Variants in EIF3L observed in about 807,000 individuals in gnomAD.
The protein encoded by EIF3L is eIEF associated protein HSPC021.
In EIF3L, 32 loss-of-function variants were observed where a neutral mutation model predicts 74.6. That is an observed-to-expected ratio of 0.43 (90% confidence interval 0.32 to 0.58). EIF3L has a LOEUF of 0.58. EIF3L is among the 20% of genes least tolerant of loss of function. EIF3L has a pLI of 0.06. For missense variants in EIF3L, 474 were observed against 707.8 expected (o/e 0.67, Z 3.75); for synonymous variants, 256 against 254.4 (o/e 1.01, Z -0.06).
At chr22:37,886,118 C>G (rs147469143) in intron 11 of EIF3L, 1 of 146,302 alleles carries the variant, frequency 6.8e-6, no homozygotes, top group Non-Finnish European at 1.5e-5. Context: ...GGTGTGAACT[C>G]GGGAGGTGGA....
At chr22:37,870,811 T>C (rs1410874166) in intron 8 of EIF3L, among the ~76,000 whole-genome samples, 2 of 152,154 alleles carry the variant, frequency 1.3e-5, no homozygotes, top group African/African-American at 2.4e-5. Context: ...TTGCAATGTG[T>C]TCTTTTGTTT....
At chr22:37,858,473 C>G in intron 4 of EIF3L, 2 of 611,728 alleles carry the variant, frequency 3.3e-6, no homozygotes, top group Non-Finnish European at 5.7e-6. Flanking sequence ...TGAATGAGAT[C>G]TTAATCTCAT....
intron 3 of EIF3L, among the ~76,000 whole-genome samples, chr22:37,852,921 C>T (rs936749311): frequency 6.6e-6 from 1 of 152,210 alleles, no homozygotes; most frequent in Middle Eastern, 3.4e-3. Context: ...GGTGCAGCAT[C>T]GAGGTCTTTC....
At chr22:37,879,629 G>A (rs756755796) in intron 11 of EIF3L, 1 of 152,340 alleles carries the variant, frequency 6.6e-6, no homozygotes, top group African/African-American at 2.4e-5. Context: ...AGTAGCCTGA[G>A]AAAGGAGGCT....
Position 37,858,718 on chromosome 22 carries a change from G to A in EIF3L, c.413G>A (p.Arg138Lys), listed in dbSNP as rs1314162303. Residue 138 changes from arginine to lysine, a missense_variant, in exon 5 of 13, where the codon AGG (arginine) becomes AAG (lysine). This residue lies in a region of EIF3L where 141 missense variants were observed against 197.7 expected (regional missense o/e 0.71). Transcript: ENST00000652021. ...ATTTTATACAAAGAATTATACTACA[G>A]GCACATATATGCCAAAGTCAGTGTA... ...FLILYKELYYRHIYAKVSGGP... is the reference protein window; with the variant it reads ...FLILYKELYYKHIYAKVSGGP... 3 of 1,607,806 alleles carry A rather than the reference G, an allele frequency of 1.9e-6. No individual in the cohort carries two copies. Among genetic ancestry groups the A allele is most frequent in the Non-Finnish European group, 2.5e-6 (3 of 1,178,376 alleles).
chr22:37,888,451 G>C lies in EIF3L; in HGVS notation c.1682G>C (p.Gly561Ala). ...CTTAATCGAACCCTGAAGAAGATGGGACAGAGACCTTGATGATATTCACAC... is the reference window on the plus strand; with the variant it reads ...CTTAATCGAACCCTGAAGAAGATGGCACAGAGACCTTGATGATATTCACAC... ...EELNRTLKKM[G>A]QRP Residue 561 changes from glycine to alanine, a missense_variant, in exon 13 of 13, where the codon GGA becomes GCA. Gly to Ala is a moderately conservative substitution (Grantham distance 60). Coordinates refer to ENST00000652021, the MANE Select transcript of EIF3L (RefSeq NM_016091.4). The C allele has an allele frequency of 6.2e-7, 1 of 1,613,920 alleles. No homozygotes were observed. The highest frequency in any genetic ancestry group is 8.5e-7 in the Non-Finnish European group (1 of 1,180,010).
At chr22:37,857,202 A>C (rs2145803253) in intron 4 of EIF3L, among the ~76,000 whole-genome samples, 1 of 151,926 alleles carries the variant, frequency 6.6e-6, no homozygotes, top group African/African-American at 2.4e-5. Context: ...TCTACTAAAA[A>C]TGCAAAAAAG....
chr22:37,887,698 C>T (rs1163339191), intron 12 of EIF3L: 1 of 152,392 alleles, frequency 6.6e-6, no homozygotes, highest in African/African-American at 2.4e-5. Flanking sequence ...AGATCTCCCT[C>T]TGCGGGTGGC....
intron 3 of EIF3L, among the ~76,000 whole-genome samples, chr22:37,854,714 G>A (rs985210783): frequency 6.6e-6 from 1 of 152,128 alleles, no homozygotes; most frequent in Non-Finnish European, 1.5e-5. Context: ...TGATCCACCC[G>A]CCTCAGCCTC....
chr22:37,881,215 A>C (rs1927030220), intron 11 of EIF3L: 1 of 152,116 alleles, frequency 6.6e-6, no homozygotes, highest in Non-Finnish European at 1.5e-5. Context: ...TGGACATTTT[A>C]ATGTCTGATG....
chr22:37,881,061 G>A (rs973953468), intron 11 of EIF3L: 12 of 152,134 alleles, frequency 7.9e-5, no homozygotes, highest in Non-Finnish European at 1.6e-4. Flanking sequence ...TTACAGAGTG[G>A]CTAGTAATAC....
intron 12 of EIF3L, chr22:37,887,062 G>C (rs759379445): frequency 2.7e-6 from 1 of 364,992 alleles, no homozygotes; most frequent in African/African-American, 2.1e-5. Context: ...CCGCATAGCT[G>C]GAATTACAGG....
chr22:37,869,171 C>T (rs761673230), intron 7 of EIF3L, among the ~76,000 whole-genome samples: 1 of 152,180 alleles, frequency 6.6e-6, no homozygotes, highest in Non-Finnish European at 1.5e-5. Context: ...CTCTGTCACT[C>T]ACACTGGAAT....
chr22:37,886,927 T>G (rs750968340), intron 12 of EIF3L, 82 bp downstream of exon 12: 3 of 1,107,124 alleles, frequency 2.7e-6, no homozygotes, highest in Non-Finnish European at 3.9e-6. Context: ...TTTTTTAATT[T>G]TTATTCCTTT....
chr22:37,880,568 C>T (rs1206156135), intron 11 of EIF3L: 1 of 152,158 alleles, frequency 6.6e-6, no homozygotes, highest in Non-Finnish European at 1.5e-5. Flanking sequence ...CCACGACTGG[C>T]TAATTTTTGG....
chr22:37,866,187 A>G (rs1926140931), intron 7 of EIF3L, among the ~76,000 whole-genome samples: 1 of 152,216 alleles, frequency 6.6e-6, no homozygotes, highest in Non-Finnish European at 1.5e-5. Context: ...AAGAGAGATC[A>G]CTTCAAAAAT....
chr22:37,886,706 G>A, intron 11 of EIF3L, 59 bp from the exon 12 acceptor site: 1 of 1,491,076 alleles, frequency 6.7e-7, no homozygotes, highest in South Asian at 1.1e-5. Context: ...TGGCTCCTGG[G>A]TTAGATGGCC....
rs1462562496 is a variant in EIF3L, at chr22:37,875,925, G to T, written c.991G>T (p.Asp331Tyr). The T allele has an allele frequency of 6.2e-7, 1 of 1,613,944 alleles. No individual in the cohort carries two copies. The highest frequency in any genetic ancestry group is 8.5e-7 in the Non-Finnish European group (1 of 1,180,030). The change falls in exon 10 of 13, where the codon GAT becomes TAT. Residue 331 changes from aspartate (D) to tyrosine (Y), a missense_variant. Transcript: ENST00000652021. Reference protein sequence around the residue: ...FAYLMMRRYQDAIRVFANILL... With the variant: ...FAYLMMRRYQYAIRVFANILL... ...ATATTTGATGATGCGTCGTTACCAGGATGCCATCCGGGTCTTCGCCAACAT... is the reference window on the plus strand; with the variant it reads ...ATATTTGATGATGCGTCGTTACCAGTATGCCATCCGGGTCTTCGCCAACAT...
intron 5 of EIF3L, among the ~76,000 whole-genome samples, chr22:37,862,374 G>A (rs1925903953): frequency 6.6e-6 from 1 of 152,154 alleles, no homozygotes; most frequent in Admixed American, 6.6e-5. Flanking sequence ...TCTGTGGAGG[G>A]TCAGATAATA....
Sources: allele counts gnomAD v4.1 joint callset (sites outside exome capture counted in the v4.1 genomes callset), GRCh38; gene constraint gnomAD v4.1.1; regional missense constraint gnomAD v4.1.1; transcripts MANE v1.5; gene names NCBI Gene and HGNC (gene_info 2026-07-23, HGNC 2026-07-21).